Variants in SPG11 observed in about 807,000 individuals in gnomAD.
SPG11 encodes the protein SPG11 vesicle trafficking associated, spatacsin, also known as spatacsin.
A neutral mutation model predicts 274.0 loss-of-function variants in SPG11; 222 were observed. The ratio of observed to expected loss-of-function variants is 0.81; its 90% confidence interval spans 0.73 to 0.91. The LOEUF is 0.91. Ranked by LOEUF, SPG11 falls within the 40% of genes least tolerant of loss-of-function variation. The pLI, the probability that SPG11 is intolerant of heterozygous loss-of-function variation, is 0.00. For synonymous variants in SPG11, 1,144 were observed against 1,039.7 expected (o/e 1.10, Z -1.93); for missense variants, 3,114 against 2,872.7 (o/e 1.08, Z -1.92).
chr15:44,581,405 C>T (rs2082657066), intron 30 of SPG11, among the ~76,000 whole-genome samples: 1 of 151,974 alleles, frequency 6.6e-6, no homozygotes, highest in African/African-American at 2.4e-5. Context: ...CGGGGTTTTG[C>T]CATGTTGCCC....
intron 7 of SPG11, among the ~76,000 whole-genome samples, chr15:44,639,813 TA>T (rs1367515002): frequency 1.3e-5 from 2 of 151,722 alleles, no homozygotes; most frequent in African/African-American, 4.8e-5. Flanking sequence ...TAAAATCTAA[TA>T]AATTATTAGG....
rs2141028889 is a variant in SPG11 at position 44,622,228 on chromosome 15, T to G, written c.2436A>C (p.Ser812=). ...GHFQENMQIQ[S]FPRYWIKEQD... is the part of the protein sequence containing the mutation. ...AGGACTAATGAGACTACCTGGGAAA[T>G]GACTGGATTTGCATATTTTCTTGGA... The change falls in exon 13 of 40, where the codon TCA becomes TCC. Residue 812 remains serine (S), a synonymous_variant. Coordinates refer to ENST00000261866, the MANE Select transcript of SPG11 (RefSeq NM_025137.4). 3.7e-6 allele frequency: 6 copies of G among 1,612,518 alleles called. No individual in the cohort carries two copies. The highest frequency in any genetic ancestry group is 5.1e-6 in the Non-Finnish European group (6 of 1,178,732).
At chr15:44,615,650 T>G (rs2083575833) in intron 15 of SPG11, 84 bp from the exon 16 acceptor site, 1 of 1,193,808 alleles carries the variant, frequency 8.4e-7, no homozygotes. Context: ...TAGGTCTCAA[T>G]TACTTAAAAA....
intron 4 of SPG11, among the ~76,000 whole-genome samples, chr15:44,655,107 T>C (rs1345305832): frequency 6.6e-6 from 1 of 152,142 alleles, no homozygotes; most frequent in East Asian, 1.9e-4. Flanking sequence ...GCAGTTCTTC[T>C]CTCCAGTAAA....
intron 26 of SPG11, among the ~76,000 whole-genome samples, chr15:44,594,282 T>C (rs2082976241): frequency 6.6e-6 from 1 of 151,236 alleles, no homozygotes; most frequent in Non-Finnish European, 1.5e-5. Context: ...AAAAATTAGC[T>C]GGGCGTGGTG....
At chr15:44,582,975 C>T (rs1306349438) in intron 30 of SPG11, among the ~76,000 whole-genome samples, 1 of 152,064 alleles carries the variant, frequency 6.6e-6, no homozygotes, top group East Asian at 1.9e-4. Context: ...TACAGATGTC[C>T]ACTCTCGCCA....
chr15:44,563,767 C>G (rs2082248267), intron 39 of SPG11, among the ~76,000 whole-genome samples: 1 of 152,160 alleles, frequency 6.6e-6, no homozygotes, highest in South Asian at 2.1e-4. Flanking sequence ...ACTAGGACTA[C>G]AAGTGTGCAC....
At chr15:44,570,729 G>A (rs1242953080) in intron 33 of SPG11, 71 bp from the exon 34 acceptor site, 5 of 1,573,038 alleles carry the variant, frequency 3.2e-6, no homozygotes, top group Non-Finnish European at 4.3e-6. Context: ...TGCCTGGCAG[G>A]AGGGAAAAAG....
chr15:44,596,063 A>G lies in SPG11; in HGVS notation c.4434+20T>C. On this transcript the variant is annotated intron_variant, in intron 25 of 39. Transcript: ENST00000261866. ...CTATTGTTCTCTGGGTACTTACTTC[A>G]GGCTTCTCATGATCCTCACCTGGAG... The G allele has an allele frequency of 6.2e-7, 1 of 1,612,562 alleles. No individual in the cohort carries two copies. The highest frequency in any genetic ancestry group is 1.1e-5 in the South Asian group (1 of 91,018).
intron 4 of SPG11, among the ~76,000 whole-genome samples, chr15:44,656,451 T>C (rs1261975874): frequency 6.6e-6 from 1 of 152,088 alleles, no homozygotes; most frequent in Non-Finnish European, 1.5e-5. Context: ...GAATCTATGC[T>C]GGAAAGAGAG....
At chr15:44,637,950 GA>G (rs1484338749) in intron 7 of SPG11, among the ~76,000 whole-genome samples, 2 of 152,156 alleles carry the variant, frequency 1.3e-5, no homozygotes, top group Non-Finnish European at 2.9e-5. Flanking sequence ...GGAAGACAGT[GA>G]TATCGATGAT....
At chr15:44,610,027 T>A (rs1280494226) in intron 18 of SPG11, among the ~76,000 whole-genome samples, 1 of 150,260 alleles carries the variant, frequency 6.7e-6, no homozygotes, top group African/African-American at 2.5e-5. Context: ...CTCTGCCTCC[T>A]GAGTAGCTGG....
intron 20 of SPG11, among the ~76,000 whole-genome samples, chr15:44,605,056 T>C (rs2083287328): frequency 6.6e-6 from 1 of 151,990 alleles, no homozygotes; most frequent in African/African-American, 2.4e-5. Context: ...GCTTTCAACT[T>C]CTCTGTGCCT....
chr15:44,636,427 A>G (rs1296992327), intron 7 of SPG11, among the ~76,000 whole-genome samples: 4 of 142,840 alleles, frequency 2.8e-5, no homozygotes, highest in Admixed American at 1.4e-4. Flanking sequence ...AATGGTTAAG[A>G]AAAAAAAAAA....
At chr15:44,570,479 C>A in intron 34 of SPG11, 46 bp downstream of exon 34, 1 of 1,613,318 alleles carries the variant, frequency 6.2e-7, no homozygotes, top group East Asian at 2.2e-5. Flanking sequence ...CTACTACTCT[C>A]AAAGGTTTCC....
intron 1 of SPG11, among the ~76,000 whole-genome samples, chr15:44,662,719 T>C (rs1595943561): frequency 6.7e-6 from 1 of 150,104 alleles, no homozygotes; most frequent in South Asian, 2.1e-4. Flanking sequence ...CCAAACTTTA[T>C]GATGTAAACT....
At chr15:44,592,031 A>C (rs890968725) in intron 27 of SPG11, among the ~76,000 whole-genome samples, 3 of 151,700 alleles carry the variant, frequency 2.0e-5, no homozygotes, top group Non-Finnish European at 4.4e-5. Flanking sequence ...GAATCGCTTG[A>C]ACCTGGGAGG....
intron 2 of SPG11, 113 bp downstream of exon 2, chr15:44,660,319 C>T (rs1247407052): frequency 1.1e-6 from 1 of 886,220 alleles, no homozygotes; most frequent in Non-Finnish European, 1.8e-6. Context: ...CTAGTGACTA[C>T]TATATCAGAC....
intron 35 of SPG11, among the ~76,000 whole-genome samples, chr15:44,568,065 A>G (rs887163655): frequency 2.0e-5 from 3 of 152,190 alleles, no homozygotes; most frequent in Admixed American, 6.5e-5. Flanking sequence ...AAAGCAGGAT[A>G]TTTCATCTCT....
Sources: allele counts gnomAD v4.1 joint callset (sites outside exome capture counted in the v4.1 genomes callset), GRCh38; gene constraint gnomAD v4.1.1; transcripts MANE v1.5; gene names NCBI Gene and HGNC (gene_info 2026-07-23, HGNC 2026-07-21).